FPR3: variants seen among roughly 807,000 people sequenced by gnomAD.
FPR3 encodes N-formyl peptide receptor 3.
For missense variants in FPR3, 346 were observed against 443.2 expected (o/e 0.78, Z 1.97); for synonymous variants, 135 against 163.6 (o/e 0.83, Z 1.34).
chr19:51,809,008 G>A (rs546210628), intron 1 of FPR3, among the ~76,000 whole-genome samples: 18 of 152,314 alleles, frequency 1.2e-4, no homozygotes, highest in African/African-American at 3.8e-4. Flanking sequence ...AAATCCTGAC[G>A]TCCTAGCCCT....
At chr19:51,812,808 T>C (rs73566118) in intron 1 of FPR3, among the ~76,000 whole-genome samples, 11,481 of 152,248 alleles carry the variant, frequency 0.075, 1,137 homozygotes, top group African/African-American at 0.23. Context: ...AAATTTATTA[T>C]GCTGGATAAT....
At chr19:51,811,994 A>G (rs774787653) in intron 1 of FPR3, among the ~76,000 whole-genome samples, 2 of 152,206 alleles carry the variant, frequency 1.3e-5, no homozygotes, top group Non-Finnish European at 2.9e-5. Flanking sequence ...AGGCAACTAC[A>G]TATAAAATTT....
At chr19:51,817,578 A>T (rs1295329059) in intron 1 of FPR3, 1 of 151,930 alleles carries the variant, frequency 6.6e-6, no homozygotes, top group Admixed American at 6.6e-5. Context: ...CTTTGAAATG[A>T]CCATTCAGCT....
intron 1 of FPR3, among the ~76,000 whole-genome samples, chr19:51,812,115 A>T (rs1006808492): frequency 6.6e-6 from 1 of 152,224 alleles, no homozygotes; most frequent in African/African-American, 2.4e-5. Flanking sequence ...AAAACAGAAT[A>T]TGTTGGAGGT....
chr19:51,800,156 G>A lies in FPR3; in HGVS notation c.-11+4825G>A, dbSNP rs896432282. On this transcript the variant is annotated intron_variant, in intron 1 of 1. Transcript: ENST00000339223. ...CGGCAACTGCACCTGAGTCCCCAGG[G>A]CACCTTGCAAGAGCCGGTGCTGCTG... 7.2e-5 allele frequency among the ~76,000 whole-genome samples: 11 copies of A among 152,210 alleles called. No individual in the cohort carries two copies. In the South Asian group the frequency reaches 2.3e-3, roughly 32 times the overall value.
intron 1 of FPR3, among the ~76,000 whole-genome samples, chr19:51,801,167 CTT>C (rs1568426729): frequency 2.6e-5 from 2 of 77,406 alleles, no homozygotes; most frequent in Non-Finnish European, 6.6e-5. Context: ...AAACTTTTAA[CTT>C]TAAGTATTGA....
intron 1 of FPR3, among the ~76,000 whole-genome samples, chr19:51,823,180 G>A (rs1426774899): frequency 1.3e-5 from 2 of 152,066 alleles, no homozygotes; most frequent in Non-Finnish European, 2.9e-5. Flanking sequence ...TGTAATATAT[G>A]TCTATATATT....
intron 1 of FPR3, among the ~76,000 whole-genome samples, chr19:51,800,318 G>A (rs1013456600): frequency 6.6e-5 from 10 of 152,148 alleles, no homozygotes; most frequent in African/African-American, 2.2e-4. Flanking sequence ...CTCATTGTTC[G>A]GTTTTGAAGA....
At chr19:51,823,092 A>G (rs1204661795) in intron 1 of FPR3, among the ~76,000 whole-genome samples, 1 of 152,052 alleles carries the variant, frequency 6.6e-6, no homozygotes, top group African/African-American at 2.4e-5. Context: ...CCAACTCCTG[A>G]TCTCAAGTGA....
intron 1 of FPR3, among the ~76,000 whole-genome samples, chr19:51,812,237 G>C (rs958402989): frequency 1.3e-5 from 2 of 152,160 alleles, no homozygotes; most frequent in African/African-American, 2.4e-5. Context: ...ATGGCCCAAC[G>C]TAGGGTGAAA....
rs140894317 is a variant in FPR3, at chr19:51,822,903, T to C, written c.-10-836T>C. Among the ~76,000 whole-genome samples, 1,370 of 152,170 alleles carry C rather than the reference T, an allele frequency of 9.0e-3. 24 individuals carry two copies. The highest frequency in any genetic ancestry group is 0.032 in the African/African-American group (1,312 of 41,522). On this transcript the variant is annotated intron_variant, in intron 1 of 1. Transcript: ENST00000339223. ...GGGGGAAATGGAATCTACTCTGACA[T>C]CCAGACTGAAGTGCAGTGGCACGAT...
intron 1 of FPR3, among the ~76,000 whole-genome samples, chr19:51,797,900 T>TTTTG (rs1323781827): frequency 5.1e-4 from 74 of 146,172 alleles, no homozygotes; most frequent in African/African-American, 1.9e-3. Flanking sequence ...TTTTTTTTTT[T>TTTTG]GAGACGGAGT....
At chr19:51,811,795 C>G (rs62108953) in intron 1 of FPR3, 47,138 of 151,774 alleles carry the variant, frequency 0.31, 7,502 homozygotes, top group African/African-American at 0.39. Flanking sequence ...GGAGGCGACT[C>G]GCCCTCAGCA....
chr19:51,821,085 A>T (rs906414187), intron 1 of FPR3, among the ~76,000 whole-genome samples: 1 of 152,212 alleles, frequency 6.6e-6, no homozygotes, highest in Admixed American at 6.5e-5. Context: ...TGAGGACCAG[A>T]AGTTCCCATT....
At chr19:51,809,523 G>A (rs940046802) in intron 1 of FPR3, among the ~76,000 whole-genome samples, 1 of 152,210 alleles carries the variant, frequency 6.6e-6, no homozygotes, top group African/African-American at 2.4e-5. Flanking sequence ...CTTTCATGGA[G>A]AAGGGTGTGA....
chr19:51,799,559 T>G (rs1333003658), intron 1 of FPR3, among the ~76,000 whole-genome samples: 3 of 152,226 alleles, frequency 2.0e-5, no homozygotes, highest in Admixed American at 6.5e-5. Context: ...CCAGTCGGTC[T>G]GGCCCAGACG....
chr19:51,825,016 T>C lies in FPR3; in HGVS notation c.*206T>C. The stretch of plus-strand genomic sequence containing the variant: ...GTCCTACAATTAAATTCCAACACTA[T>C]CTACCTGGAGCTACTGTCAGATCCC... On this transcript the variant is annotated 3_prime_UTR_variant, in exon 2 of 2. Coordinates refer to ENST00000339223, the MANE Select transcript of FPR3 (RefSeq NM_002030.5). The C allele has an allele frequency of 3.6e-6, 2 of 557,244 alleles. No individual in the cohort carries two copies. Among genetic ancestry groups the C allele is most frequent in the East Asian group, 6.1e-5 (2 of 32,776 alleles). The allele number at this position is 557,244 out of a possible 1,614,324, so 34.5% of individuals were successfully genotyped here. A position where few individuals can be genotyped will look rare whatever the true frequency, so the allele number is the denominator to read the frequency against.
intron 1 of FPR3, among the ~76,000 whole-genome samples, chr19:51,801,518 C>T (rs866244537): frequency 2.0e-5 from 3 of 152,202 alleles, no homozygotes; most frequent in Middle Eastern, 3.2e-3. Flanking sequence ...CGGTGGCTCA[C>T]GCCCGTAATC....
Position 51,823,978 on chromosome 19 carries a change from T to A in FPR3, c.230T>A (p.Ile77Asn). ...LALADFSFSA[I>N]LPFRMVSVAM... ...CTAGCTGACTTCTCTTTCAGTGCCA[T>A]CCTACCATTCCGAATGGTCTCAGTC... The change falls in exon 2 of 2, where the codon ATC (isoleucine) becomes AAC (asparagine). Residue 77 changes from isoleucine (I) to asparagine (N), a missense_variant. Coordinates refer to ENST00000339223, the MANE Select transcript of FPR3 (RefSeq NM_002030.5). The A allele has an allele frequency of 6.2e-7, 1 of 1,614,096 alleles. No individual in the cohort carries two copies. The highest frequency in any genetic ancestry group is 8.5e-7 in the Non-Finnish European group (1 of 1,179,992).
Sources: gnomAD v4.1 joint callset for allele counts (sites outside exome capture counted in the v4.1 genomes callset) on GRCh38, gnomAD v4.1.1 for gene constraint, MANE v1.5 for transcripts, NCBI Gene and HGNC (gene_info 2026-07-23, HGNC 2026-07-21) for gene names.